The following RSF1 variants were observed in gnomAD, a reference collection of about 807,000 sequenced individuals.
RSF1 encodes the protein remodeling and spacing factor 1.
In RSF1, 13 loss-of-function variants were observed where a neutral mutation model predicts 145.2. The ratio of observed to expected loss-of-function variants is 0.09; its 90% CI spans 0.06 to 0.14. The LOEUF (loss-of-function observed/expected upper bound fraction) is 0.14. RSF1 is among the 10% of genes least tolerant of loss of function. The probability of loss-of-function intolerance (pLI) is 1.00; values close to 1 mark genes in which losing one functional copy is unlikely to be tolerated. For missense variants in RSF1, 1,517 were observed against 1,718.2 expected (o/e 0.88, Z 2.07); for synonymous variants, 577 against 592.6 (o/e 0.97, Z 0.38).
intron 2 of RSF1, among the ~76,000 whole-genome samples, chr11:77,750,930 GACA>G (rs1948056342): frequency 6.6e-6 from 1 of 152,060 alleles, no homozygotes; most frequent in Non-Finnish European, 1.5e-5. Context: ...CCATTCTCCT[GACA>G]CAACACCAGA....
At chr11:77,768,185 C>T (rs1590875658) in intron 1 of RSF1, among the ~76,000 whole-genome samples, 1 of 105,342 alleles carries the variant, frequency 9.5e-6, no homozygotes, top group East Asian at 2.9e-4. Flanking sequence ...TTTTTTGAGA[C>T]AGAGTCTCGT....
chr11:77,767,639 C>T (rs1442981222), intron 1 of RSF1, among the ~76,000 whole-genome samples: 4 of 152,204 alleles, frequency 2.6e-5, no homozygotes, highest in Non-Finnish European at 1.5e-5. Context: ...TTTCTGCCCA[C>T]TTGAATCATA....
chr11:77,791,259 C>T (rs1461778438), intron 1 of RSF1, among the ~76,000 whole-genome samples: 1 of 152,206 alleles, frequency 6.6e-6, no homozygotes. Context: ...GGCTTCCACC[C>T]TCTGAAGCAA....
At chr11:77,853,536 C>T in the RSF1 span, among the ~76,000 whole-genome samples, 2 of 152,164 alleles carry the variant, frequency 1.3e-5, no homozygotes, top group African/African-American at 4.8e-5. Context: ...CACCAGGCCC[C>T]TTCTCCAACA....
chr11:77,746,991 T>C, intron 3 of RSF1, 45 bp downstream of exon 3: 1 of 1,286,392 alleles, frequency 7.8e-7, no homozygotes, highest in Non-Finnish European at 1.1e-6. Flanking sequence ...AGTCAAAAGT[T>C]AAATTTTAAA....
the RSF1 span, among the ~76,000 whole-genome samples, chr11:77,839,337 G>T: frequency 1.3e-5 from 2 of 152,064 alleles, no homozygotes; most frequent in Non-Finnish European, 2.9e-5. Context: ...TAGAAACCAG[G>T]TCTCCCAATA....
the RSF1 span, among the ~76,000 whole-genome samples, chr11:77,830,291 C>G: frequency 6.6e-6 from 1 of 152,166 alleles, no homozygotes; most frequent in African/African-American, 2.4e-5. Context: ...TATGATCAAA[C>G]AGCAAACTGT....
chr11:77,813,514 G>A (rs531119843), intron 1 of RSF1: 54 of 801,180 alleles, frequency 6.7e-5, no homozygotes, highest in Non-Finnish European at 1.1e-4. Context: ...GTAGGTATTC[G>A]AACTGGTCCT....
At chr11:77,798,218 C>T (rs1255032666) in intron 1 of RSF1, among the ~76,000 whole-genome samples, 2 of 152,102 alleles carry the variant, frequency 1.3e-5, no homozygotes, top group Non-Finnish European at 2.9e-5. Context: ...CGTATGTTTA[C>T]TGCAGCATAA....
At position 77,728,465 on chromosome 11, in the gene RSF1, G is replaced by A. The variant is rs140015947; in HGVS notation, c.579-2766C>T. 2.2e-3 allele frequency among the ~76,000 whole-genome samples: 332 copies of A among 151,626 alleles called. 1 individual carries two copies. The highest frequency in any genetic ancestry group is 7.0e-3 in the African/African-American group (287 of 41,288). ...CGAGGCAGGCAGATCACCTGAGGTC[G>A]GGAGATGGAGACCAGCCTGACCAAC... On this transcript the variant is annotated intron_variant, in intron 4 of 15. Transcript: ENST00000308488.
chr11:77,783,993 T>C (rs1174533980), intron 1 of RSF1, among the ~76,000 whole-genome samples: 1 of 152,222 alleles, frequency 6.6e-6, no homozygotes, highest in Non-Finnish European at 1.5e-5. Context: ...TGTCTGTAAA[T>C]GTTTGTCTGT....
intron 4 of RSF1, among the ~76,000 whole-genome samples, chr11:77,729,403 G>T (rs949870209): frequency 1.3e-5 from 2 of 152,042 alleles, no homozygotes; most frequent in Non-Finnish European, 2.9e-5. Flanking sequence ...TTTCCTATAT[G>T]TACCTTAAGT....
chr11:77,815,135 A>C (rs1948769945), intron 1 of RSF1, among the ~76,000 whole-genome samples: 1 of 152,280 alleles, frequency 6.6e-6, no homozygotes, highest in Non-Finnish European at 1.5e-5. Context: ...TAGTTTAGGC[A>C]TCAATTTGCC....
intron 1 of RSF1, among the ~76,000 whole-genome samples, chr11:77,797,843 G>A (rs1038287573): frequency 6.6e-6 from 1 of 152,058 alleles, no homozygotes. Flanking sequence ...CAAAAAGTGG[G>A]CAAGGGATAT....
chr11:77,765,202 T>C (rs1175208068), intron 1 of RSF1, among the ~76,000 whole-genome samples: 1 of 151,870 alleles, frequency 6.6e-6, no homozygotes, highest in African/African-American at 2.4e-5. Flanking sequence ...TTATCTGCAA[T>C]AACAAATATT....
At chr11:77,768,368 C>T (rs1010169483) in intron 1 of RSF1, among the ~76,000 whole-genome samples, 2 of 151,904 alleles carry the variant, frequency 1.3e-5, no homozygotes, top group African/African-American at 2.4e-5. Context: ...TTGCCATGTT[C>T]GTCAGGCTGG....
intron 1 of RSF1, among the ~76,000 whole-genome samples, chr11:77,779,245 T>A (rs1035081414): frequency 6.6e-6 from 1 of 152,128 alleles, no homozygotes; most frequent in African/African-American, 2.4e-5. Context: ...TCTCACTCTG[T>A]TACTCAGGCT....
chr11:77,726,327 T>C (rs979149465), intron 4 of RSF1, among the ~76,000 whole-genome samples: 3 of 152,172 alleles, frequency 2.0e-5, no homozygotes, highest in Non-Finnish European at 2.9e-5. Context: ...AAAAGAGACA[T>C]GGTCTCACTT....
intron 4 of RSF1, among the ~76,000 whole-genome samples, chr11:77,729,895 CA>C (rs398045289): frequency 0.045 from 2,203 of 48,706 alleles, 6 homozygotes; most frequent in Non-Finnish European, 0.073. Flanking sequence ...ATTCAGTAGG[CA>C]AAAAAAAAAA....
Sources: gnomAD v4.1 joint callset for allele counts (sites outside exome capture counted in the v4.1 genomes callset) on GRCh38, gnomAD v4.1.1 for gene constraint, MANE v1.5 for transcripts, NCBI Gene and HGNC (gene_info 2026-07-23, HGNC 2026-07-21) for gene names.